The following PCDH9 variants were observed in gnomAD, a reference collection of about 807,000 sequenced individuals.
PCDH9 encodes protocadherin 9, also known as protocadherin-9.
Under a neutral mutation model 70.6 loss-of-function variants are expected in PCDH9, and 24 were observed. That is an observed-to-expected ratio of 0.34 (90% CI 0.25 to 0.48). The LOEUF (loss-of-function observed/expected upper bound fraction) is 0.48. PCDH9 is among the 20% of genes least tolerant of loss of function. The pLI is 0.99. For missense variants in PCDH9, 1,281 were observed against 1,503.6 expected, an observed-to-expected ratio of 0.85 and a Z score of 2.45; for synonymous variants, 562 against 558.5, an observed-to-expected ratio of 1.01 and a Z score of -0.09.
intron 2 of PCDH9, among the ~76,000 whole-genome samples, chr13:67,100,138 G>A (rs1049301421): frequency 6.6e-6 from 1 of 152,148 alleles, no homozygotes; most frequent in African/African-American, 2.4e-5. Flanking sequence ...TAAGGAACTT[G>A]ACATTACTTC....
At chr13:66,704,062 C>T (rs2078681362) in intron 3 of PCDH9, among the ~76,000 whole-genome samples, 1 of 152,114 alleles carries the variant, frequency 6.6e-6, no homozygotes, top group Non-Finnish European at 1.5e-5. Flanking sequence ...ACTAAAAGTG[C>T]TTTCTTACTT....
intron 4 of PCDH9, among the ~76,000 whole-genome samples, chr13:66,551,636 C>A (rs1363607934): frequency 6.6e-6 from 1 of 152,072 alleles, no homozygotes; most frequent in African/African-American, 2.4e-5. Flanking sequence ...GATTTCAAGT[C>A]TGAAGCAGAA....
intron 3 of PCDH9, among the ~76,000 whole-genome samples, chr13:66,651,993 A>G (rs1416833592): frequency 6.6e-6 from 1 of 152,092 alleles, no homozygotes; most frequent in Admixed American, 6.5e-5. Flanking sequence ...AAAACTGGGT[A>G]GAGAAATAAC....
chr13:66,830,057 A>C (rs2080899081), intron 3 of PCDH9, among the ~76,000 whole-genome samples: 1 of 152,178 alleles, frequency 6.6e-6, no homozygotes. Context: ...AATAAAACCT[A>C]ATGTAGATAA....
chr13:66,898,679 G>A (rs183074665), intron 3 of PCDH9, among the ~76,000 whole-genome samples: 9 of 152,008 alleles, frequency 5.9e-5, no homozygotes, highest in East Asian at 1.9e-4. Flanking sequence ...ATCAGATTTC[G>A]TGTATGAATA....
At chr13:66,781,707 T>G (rs144331738) in intron 3 of PCDH9, among the ~76,000 whole-genome samples, 1 of 152,306 alleles carries the variant, frequency 6.6e-6, no homozygotes, top group African/African-American at 2.4e-5. Flanking sequence ...TAAATTCATG[T>G]ATTTTAAAAG....
chr13:66,628,372 CAT>C (rs1566466664), intron 4 of PCDH9, among the ~76,000 whole-genome samples: 1 of 152,214 alleles, frequency 6.6e-6, no homozygotes, highest in African/African-American at 2.4e-5. Flanking sequence ...AATATTACCA[CAT>C]GATTCTTTTT....
At chr13:67,170,383 G>T (rs892575149) in intron 2 of PCDH9, among the ~76,000 whole-genome samples, 7 of 152,106 alleles carry the variant, frequency 4.6e-5, no homozygotes, top group African/African-American at 1.4e-4. Context: ...TTCAAAATGT[G>T]TTTGTTACAA....
rs575633135 is a variant in PCDH9 at position 66,911,408 on chromosome 13, G to T, written c.3037-7803C>A. Among the ~76,000 whole-genome samples the T allele has an allele frequency of 3.9e-5, 6 of 152,186 alleles. No homozygotes were observed. In the South Asian group the frequency reaches 1.2e-3, roughly 32 times the overall value. ...TCTCTAACTTAATAGAGATAAACTG[G>T]ATGCAATTTCAAGTCATTACTAACC... On this transcript the variant is annotated intron_variant, in intron 2 of 4. Transcript: ENST00000377865.
intron 2 of PCDH9, among the ~76,000 whole-genome samples, chr13:66,912,851 T>C (rs1438155990): frequency 6.6e-6 from 1 of 152,088 alleles, no homozygotes; most frequent in Non-Finnish European, 1.5e-5. Context: ...TATAATTACA[T>C]TTTGAAATTT....
intron 4 of PCDH9, among the ~76,000 whole-genome samples, chr13:66,532,501 G>A (rs962847927): frequency 1.3e-5 from 2 of 152,050 alleles, no homozygotes; most frequent in South Asian, 2.1e-4. Context: ...GCAATGAATC[G>A]AAATGCTATT....
At chr13:67,027,708 A>C (rs2084815111) in intron 2 of PCDH9, among the ~76,000 whole-genome samples, 1 of 150,802 alleles carries the variant, frequency 6.6e-6, no homozygotes, top group Admixed American at 6.6e-5. Context: ...CAATGAACTC[A>C]AACAAATTTA....
Position 66,999,725 on chromosome 13 carries a change from T to A in PCDH9, c.3037-96120A>T, listed in dbSNP as rs542656790. Among the ~76,000 whole-genome samples, 26 of 151,816 alleles carry A rather than the reference T, an allele frequency of 1.7e-4. No homozygotes were observed. In the South Asian group the frequency reaches 3.4e-3, roughly 20 times the overall value. ...GACATTTATGCAGCCAAAAGACACA[T>A]GAAAAAATGCTCACCATCACTGGCC... On this transcript the variant is annotated intron_variant, in intron 2 of 4. Coordinates refer to ENST00000377865, the MANE Select transcript of PCDH9 (RefSeq NM_203487.3).
chr13:66,933,252 T>TA (rs2082845846), intron 2 of PCDH9, among the ~76,000 whole-genome samples: 1 of 152,134 alleles, frequency 6.6e-6, no homozygotes, highest in African/African-American at 2.4e-5. Context: ...ATCCAGGAAC[T>TA]AAAATGCCTT....
At chr13:67,223,392 C>T (rs547330201) in intron 2 of PCDH9, 1 of 152,008 alleles carries the variant, frequency 6.6e-6, no homozygotes, top group East Asian at 1.9e-4. Context: ...AAAGATGATG[C>T]TGGAAGTATA....
At chr13:66,525,984 A>C (rs1479531333) in intron 4 of PCDH9, among the ~76,000 whole-genome samples, 1 of 152,026 alleles carries the variant, frequency 6.6e-6, no homozygotes, top group Admixed American at 6.6e-5. Flanking sequence ...CTTTCAATGC[A>C]CTTATTGCAC....
At position 66,713,655 on chromosome 13, in the gene PCDH9, T is replaced by TATATATATATATATATATA. The variant is rs1474635736; in HGVS notation, c.3139-82245_3139-82244insTATATATATATATATATAT. On this transcript the variant is annotated intron_variant, in intron 3 of 4. Transcript: ENST00000377865. Reference sequence around the variant, plus strand: ...TATATATATATATATATATATATAATGTACACACACATCCAGTTGACTCTT... The same window carrying TATATATATATATATATATA: ...TATATATATATATATATATATATAATATATATATATATATATATAGTACACACACATCCAGTTGACTCTT... Among the ~76,000 whole-genome samples the TATATATATATATATATATA allele has an allele frequency of 1.2e-3, 75 of 63,588 alleles. 2 individuals are homozygous for TATATATATATATATATATA. The highest frequency in any genetic ancestry group is 4.2e-3 in the African/African-American group (68 of 16,330). The allele number at this position is 63,588 out of a possible 152,430, so 41.7% of individuals were successfully genotyped here.
chr13:66,422,760 G>C (rs1252281188), intron 4 of PCDH9, among the ~76,000 whole-genome samples: 5 of 151,954 alleles, frequency 3.3e-5, no homozygotes, highest in Non-Finnish European at 2.9e-5. Flanking sequence ...AGAAGCAAGA[G>C]CAAATAAATT....
chr13:66,573,689 A>G (rs2076768560), intron 4 of PCDH9, among the ~76,000 whole-genome samples: 1 of 152,256 alleles, frequency 6.6e-6, no homozygotes, highest in African/African-American at 2.4e-5. Context: ...TTTTATTGCA[A>G]TCAAGTTGCA....
Sources: gnomAD v4.1 joint callset for allele counts (sites outside exome capture counted in the v4.1 genomes callset) on GRCh38, gnomAD v4.1.1 for gene constraint, MANE v1.5 for transcripts, NCBI Gene and HGNC (gene_info 2026-07-23, HGNC 2026-07-21) for gene names.